The following DNER variants were observed in gnomAD, a reference collection of about 807,000 sequenced individuals.
DNER encodes delta/notch like EGF repeat containing.
In DNER, 33 loss-of-function variants were observed where a neutral mutation model predicts 78.2. That is an observed-to-expected ratio of 0.42 (90% CI 0.32 to 0.56). The LOEUF (loss-of-function observed/expected upper bound fraction) is 0.56. Among genes scored for constraint, DNER ranks in the 20% least tolerant of loss-of-function variants. DNER has a pLI of 0.11. For missense variants in DNER, 918 were observed against 975.3 expected (o/e 0.94, Z 0.78); for synonymous variants, 417 against 384.8 (o/e 1.08, Z -0.98).
At chr2:229,516,980 A>C (rs143083646) in intron 5 of DNER, among the ~76,000 whole-genome samples, 20 of 150,834 alleles carry the variant, frequency 1.3e-4, no homozygotes, top group African/African-American at 4.4e-4. Flanking sequence ...GCGTGGTGGC[A>C]CGTGCCTGTA....
At chr2:229,477,820 T>C (rs1695068339) in intron 6 of DNER, among the ~76,000 whole-genome samples, 1 of 152,236 alleles carries the variant, frequency 6.6e-6, no homozygotes, top group Admixed American at 6.5e-5. Flanking sequence ...TAATATATTT[T>C]TATTTATACC....
intron 8 of DNER, among the ~76,000 whole-genome samples, chr2:229,421,452 ATATG>A (rs1693762020): frequency 6.7e-6 from 1 of 150,266 alleles, no homozygotes; most frequent in Non-Finnish European, 1.5e-5. Context: ...ATATAAATAT[ATATG>A]TATTATTAAA....
At chr2:229,466,337 C>T (rs191791155) in intron 7 of DNER, among the ~76,000 whole-genome samples, 78 of 152,290 alleles carry the variant, frequency 5.1e-4, no homozygotes, top group African/African-American at 1.8e-3. Flanking sequence ...CTCTCCCTCC[C>T]TAACCTCGCC....
At chr2:229,648,215 C>G (rs1470265535) in intron 1 of DNER, among the ~76,000 whole-genome samples, 2 of 152,080 alleles carry the variant, frequency 1.3e-5, no homozygotes, top group Non-Finnish European at 2.9e-5. Flanking sequence ...TGTTGCTTTC[C>G]CATTAACCTA....
At chr2:229,538,042 C>T (rs1438156537) in intron 5 of DNER, among the ~76,000 whole-genome samples, 1 of 152,130 alleles carries the variant, frequency 6.6e-6, no homozygotes, top group Admixed American at 6.5e-5. Flanking sequence ...AAAATCTAGA[C>T]AGGCTTATTC....
At chr2:229,675,937 A>G (rs1388349368) in intron 1 of DNER, among the ~76,000 whole-genome samples, 1 of 152,134 alleles carries the variant, frequency 6.6e-6, no homozygotes, top group Non-Finnish European at 1.5e-5. Context: ...CCACTGGTGC[A>G]TCGGGGACAT....
In DNER at chr2:229,387,567, GA is replaced by G. The variant is rs766149029; in HGVS notation, c.1855+697del. Among the ~76,000 whole-genome samples the G allele has an allele frequency of 1.5e-3, 209 of 142,438 alleles. 2 individuals are homozygous for G. Among genetic ancestry groups the G allele is most frequent in the African/African-American group, 5.2e-3 (200 of 38,416 alleles). The allele number at this position is 142,438 out of a possible 152,430, so 93.4% of individuals were successfully genotyped here. ...AGAAAGAAAGAAAGAAAGAAAGAAAGAAAAGAAAGAAGGAAGGAAGGAAAGA... is the reference window on the plus strand; with the variant it reads ...AGAAAGAAAGAAAGAAAGAAAGAAAGAAAGAAAGAAGGAAGGAAGGAAAGA... On this transcript the variant is annotated intron_variant, in intron 11 of 12. Transcript: ENST00000341772.
intron 1 of DNER, among the ~76,000 whole-genome samples, chr2:229,674,941 A>T (rs1022206797): frequency 6.6e-6 from 1 of 152,190 alleles, no homozygotes; most frequent in Non-Finnish European, 1.5e-5. Context: ...GTCCCTCATG[A>T]GGAGAAGCTA....
At chr2:229,375,433 G>A (rs1257186886) in intron 11 of DNER, among the ~76,000 whole-genome samples, 1 of 152,102 alleles carries the variant, frequency 6.6e-6, no homozygotes, top group Non-Finnish European at 1.5e-5. Context: ...CTCCACAACA[G>A]CATTCTTTCC....
chr2:229,626,675 A>G lies in DNER; in HGVS notation c.277-34787T>C, dbSNP rs895336910. Among the ~76,000 whole-genome samples, 6 of 152,232 alleles carry G rather than the reference A, an allele frequency of 3.9e-5. No individual in the cohort carries two copies. In the East Asian group the frequency reaches 9.6e-4, roughly 24 times the overall value. ...ATATAAAGTAAATTAATAAATCAAT[A>G]CAACCAACAAAAAGGCAGCATTGGT... On this transcript the variant is annotated intron_variant, in intron 1 of 12. Coordinates refer to ENST00000341772, the MANE Select transcript of DNER (RefSeq NM_139072.4).
chr2:229,458,339 T>C (rs1161642220), intron 7 of DNER, among the ~76,000 whole-genome samples: 1 of 151,706 alleles, frequency 6.6e-6, no homozygotes, highest in Non-Finnish European at 1.5e-5. Context: ...ATCCCAAATA[T>C]GTAGGCGCCT....
At chr2:229,496,490 TCCAGGCAG>T (rs766208013) in intron 6 of DNER, among the ~76,000 whole-genome samples, 117 of 152,308 alleles carry the variant, frequency 7.7e-4, no homozygotes, top group Admixed American at 3.3e-3. Context: ...GGATTAATTT[TCCAGGCAG>T]AAGACATAGA....
At chr2:229,612,357 G>A (rs1698064876) in intron 1 of DNER, among the ~76,000 whole-genome samples, 1 of 152,146 alleles carries the variant, frequency 6.6e-6, no homozygotes, top group Non-Finnish European at 1.5e-5. Context: ...GATACACTGG[G>A]GGACCCTGGT....
intron 8 of DNER, among the ~76,000 whole-genome samples, chr2:229,434,952 G>GCA (rs373238849): frequency 1.4e-5 from 2 of 145,064 alleles, no homozygotes; most frequent in Admixed American, 1.4e-4. Context: ...ACACACACGT[G>GCA]CACACACACA....
intron 1 of DNER, among the ~76,000 whole-genome samples, chr2:229,657,117 T>A (rs1353469442): frequency 6.6e-6 from 1 of 152,044 alleles, no homozygotes; most frequent in African/African-American, 2.4e-5. Context: ...AACTTATTCA[T>A]CTTAAAACTG....
At chr2:229,572,870 C>A (rs1167795540) in intron 4 of DNER, among the ~76,000 whole-genome samples, 3 of 152,150 alleles carry the variant, frequency 2.0e-5, no homozygotes, top group Non-Finnish European at 2.9e-5. Flanking sequence ...AAGACTAGGA[C>A]ATGAGACAAC....
At chr2:229,472,430 T>C (rs149134677) in intron 7 of DNER, among the ~76,000 whole-genome samples, 3 of 152,140 alleles carry the variant, frequency 2.0e-5, no homozygotes, top group Non-Finnish European at 4.4e-5. Context: ...TCTTTATTAA[T>C]TTATGGGTAT....
chr2:229,617,809 C>T (rs566207438), intron 1 of DNER, among the ~76,000 whole-genome samples: 2 of 151,860 alleles, frequency 1.3e-5, no homozygotes, highest in Non-Finnish European at 1.5e-5. Flanking sequence ...AAAATTAGCT[C>T]GGTGTGGTGG....
intron 1 of DNER, among the ~76,000 whole-genome samples, chr2:229,646,911 G>A (rs1391609047): frequency 1.3e-5 from 2 of 152,252 alleles, no homozygotes; most frequent in Non-Finnish European, 1.5e-5. Context: ...GCTCACACCT[G>A]TAATCCCAGC....
Sources: allele counts gnomAD v4.1 joint callset (sites outside exome capture counted in the v4.1 genomes callset), GRCh38; gene constraint gnomAD v4.1.1; transcripts MANE v1.5; gene names NCBI Gene and HGNC (gene_info 2026-07-23, HGNC 2026-07-21).